Variants in CROT observed in about 807,000 individuals in gnomAD.
CROT encodes the protein carnitine O-octanoyltransferase, also known as peroxisomal carnitine O-octanoyltransferase.
Under a neutral mutation model 89.2 loss-of-function variants are expected in CROT, and 84 were observed. The observed-to-expected ratio is 0.94, with a 90% CI of 0.79 to 1.13. CROT has a LOEUF of 1.13. Among genes scored for constraint, CROT ranks in the 50% most tolerant of loss-of-function variants. CROT has a pLI of 0.00. For missense variants in CROT, 711 were observed against 727.8 expected (o/e 0.98, Z 0.27); for synonymous variants, 212 against 239.5 (o/e 0.89, Z 1.06).
chr7:87,353,261 A>G (rs1805935285), intron 3 of CROT, among the ~76,000 whole-genome samples: 1 of 152,020 alleles, frequency 6.6e-6, no homozygotes, highest in African/African-American at 2.4e-5. Flanking sequence ...AATTCTCCCA[A>G]CTTAGCATCC....
rs760226924 is a variant in CROT at position 87,377,370 on chromosome 7, G to A, written c.898G>A (p.Gly300Arg). 1 of 1,606,744 alleles carries A rather than the reference G, an allele frequency of 6.2e-7. No homozygotes were observed. Reference protein sequence around the residue: ...YSEIIAAILIGDPTVRWGDKS... With the variant: ...YSEIIAAILIRDPTVRWGDKS... ...TTAGATTATTGCAGCCATCCTTATT[G>A]GAGATCCAACAGTACGCTGGGGTGA... is the stretch of plus-strand genomic sequence containing the variant. Residue 300 changes from glycine to arginine, a missense_variant, in exon 10 of 18, where the codon GGA (glycine) becomes AGA (arginine). Coordinates refer to ENST00000331536, the MANE Select transcript of CROT (RefSeq NM_021151.4).
At chr7:87,348,716 C>T (rs933244968) in intron 2 of CROT, among the ~76,000 whole-genome samples, 1 of 152,174 alleles carries the variant, frequency 6.6e-6, no homozygotes, top group Non-Finnish European at 1.5e-5. Flanking sequence ...CAAAGAATGC[C>T]ACCTTTCAGA....
intron 4 of CROT, chr7:87,359,724 T>C: frequency 9.9e-7 from 1 of 1,014,772 alleles, no homozygotes; most frequent in Non-Finnish European, 1.2e-6. Context: ...AATATTTTCG[T>C]AGTACAATGG....
intron 6 of CROT, among the ~76,000 whole-genome samples, chr7:87,367,978 T>G (rs1202980834): frequency 6.6e-6 from 1 of 152,188 alleles, no homozygotes; most frequent in Non-Finnish European, 1.5e-5. Context: ...ACATTATCAC[T>G]CCCTTGCTTA....
rs752507592 is a variant in CROT at position 87,369,462 on chromosome 7, GT to G, written c.635del (p.Val212AlafsTer10). On this transcript the variant is annotated frameshift_variant, in exon 7 of 18. Coordinates refer to ENST00000331536, the MANE Select transcript of CROT (RefSeq NM_021151.4). LOFTEE classifies it high-confidence loss of function. Reference sequence around the variant, plus strand: ...TGATGTAATACATGAAGGATGTTTGGTCACCCCGCCAGAGCTTCTCAGGTTT... The same window carrying G: ...TGATGTAATACATGAAGGATGTTTGGCACCCCGCCAGAGCTTCTCAGGTTT... ...VFDVIHEGCLVTPPELLRQLT... is the reference protein window; with the variant it reads ...VFDVIHEGCLXTPPELLRQLT... 1 of 1,612,292 alleles carries G rather than the reference GT, an allele frequency of 6.2e-7. No homozygotes were observed. The highest frequency in any genetic ancestry group is 1.7e-5 in the Admixed American group (1 of 59,698).
chr7:87,369,606 T>C (rs1562932324), intron 7 of CROT, 122 bp downstream of exon 7: 1 of 358,798 alleles, frequency 2.8e-6, no homozygotes, highest in Admixed American at 5.5e-5. Context: ...TTATGCATGC[T>C]TTTTTAAAAA....
intron 4 of CROT, among the ~76,000 whole-genome samples, chr7:87,361,004 T>G (rs1335744563): frequency 6.6e-6 from 1 of 152,236 alleles, no homozygotes; most frequent in Non-Finnish European, 1.5e-5. Context: ...GGTCTTTCTC[T>G]GTCACCAAGG....
chr7:87,381,259 C>T (rs947206854), intron 10 of CROT, among the ~76,000 whole-genome samples: 1 of 152,064 alleles, frequency 6.6e-6, no homozygotes. Context: ...GGGGAAAATG[C>T]GGGCAAAAAC....
chr7:87,374,587 T>A (rs568674265), intron 7 of CROT, among the ~76,000 whole-genome samples: 91 of 152,140 alleles, frequency 6.0e-4, no homozygotes, highest in African/African-American at 2.1e-3. Context: ...CTAAAGAAAG[T>A]AAGCAGGAAG....
At chr7:87,395,084 G>A (rs1300986177) in intron 17 of CROT, among the ~76,000 whole-genome samples, 1 of 152,128 alleles carries the variant, frequency 6.6e-6, no homozygotes, top group Non-Finnish European at 1.5e-5. Flanking sequence ...TATTTAAGAA[G>A]TATGTAAGAA....
chr7:87,369,647 T>C (rs1172235481), intron 7 of CROT, 163 bp downstream of exon 7: 2 of 312,336 alleles, frequency 6.4e-6, no homozygotes, highest in Non-Finnish European at 1.2e-5. Flanking sequence ...ATTTAAATTA[T>C]TTTTAAATTT....
Position 87,375,673 on chromosome 7 carries a change from A to G in CROT, c.698A>G (p.Asp233Gly). Reference protein sequence around the residue: ...YIHKKCHSEPDGPGIAALTSE... With the variant: ...YIHKKCHSEPGGPGIAALTSE... ...CACAAGAAGTGCCATAGTGAACCTGATGGACCTGGGATTGCAGCATTAACT... is the reference window on the plus strand; with the variant it reads ...CACAAGAAGTGCCATAGTGAACCTGGTGGACCTGGGATTGCAGCATTAACT... The change falls in exon 8 of 18, where the codon GAT becomes GGT. Residue 233 changes from aspartate to glycine, a missense_variant. Asp to Gly is a moderately conservative substitution (Grantham distance 94). Coordinates refer to ENST00000331536, the MANE Select transcript of CROT (RefSeq NM_021151.4). 6.2e-7 allele frequency: 1 copy of G among 1,613,616 alleles called. No homozygotes were observed. Among genetic ancestry groups the G allele is most frequent in the South Asian group, 1.1e-5 (1 of 91,076 alleles).
chr7:87,388,153 T>A (rs1807239191), intron 13 of CROT, among the ~76,000 whole-genome samples: 2 of 152,142 alleles, frequency 1.3e-5, no homozygotes, highest in Non-Finnish European at 2.9e-5. Flanking sequence ...GAGCTGCTCT[T>A]CTCTCCAGAT....
chr7:87,361,969 A>G, intron 6 of CROT, 117 bp downstream of exon 6: 1 of 931,362 alleles, frequency 1.1e-6, no homozygotes, highest in Non-Finnish European at 1.5e-6. Flanking sequence ...TGACAAAGAA[A>G]GGTTTTCTGT....
rs1157782494 is a variant in CROT, at chr7:87,377,158, G to A, written c.877-191G>A. On this transcript the variant is annotated intron_variant, in intron 9 of 17. Transcript: ENST00000331536. ...CTTGAGATTTTGAGAAGCCCCTAAA[G>A]TCAGGGCCAGAATTACTCTCTCTTG... is the stretch of plus-strand genomic sequence containing the variant. Among the ~76,000 whole-genome samples the A allele has an allele frequency of 3.3e-5, 5 of 152,008 alleles. No homozygotes were observed. The East Asian group carries it at 9.6e-4, about 29-fold the overall frequency.
At chr7:87,353,237 C>T (rs1234829540) in intron 3 of CROT, among the ~76,000 whole-genome samples, 1 of 151,820 alleles carries the variant, frequency 6.6e-6, no homozygotes, top group Non-Finnish European at 1.5e-5. Context: ...AACCTCTGCT[C>T]CCTGGGTTTA....
intron 15 of CROT, 24 bp downstream of exon 15, chr7:87,392,668 A>C (rs1259761563): frequency 1.9e-5 from 31 of 1,610,652 alleles, no homozygotes; most frequent in Non-Finnish European, 2.5e-5. Flanking sequence ...AATTTTTCTG[A>C]CTTAAAAATC....
chr7:87,385,206 A>AT (rs894866260), intron 13 of CROT, among the ~76,000 whole-genome samples: 11 of 144,046 alleles, frequency 7.6e-5, no homozygotes, highest in African/African-American at 2.3e-4. Context: ...GAATTTTTGG[A>AT]TTTTTTTTTC....
At chr7:87,360,528 A>G (rs924831859) in intron 4 of CROT, among the ~76,000 whole-genome samples, 2 of 152,018 alleles carry the variant, frequency 1.3e-5, no homozygotes, top group Non-Finnish European at 2.9e-5. Context: ...TTTTGTAGAG[A>G]TAGGGTTTTG....
Sources: gnomAD v4.1 joint callset for allele counts (sites outside exome capture counted in the v4.1 genomes callset) on GRCh38, gnomAD v4.1.1 for gene constraint, MANE v1.5 for transcripts, NCBI Gene and HGNC (gene_info 2026-07-23, HGNC 2026-07-21) for gene names.